The following KLKB1 variants were observed in gnomAD, a reference collection of about 807,000 sequenced individuals.
The protein encoded by KLKB1 is kallikrein B1.
In KLKB1, 58 loss-of-function variants were observed where a neutral mutation model predicts 73.6. The observed-to-expected ratio is 0.79, with a 90% confidence interval of 0.64 to 0.98. KLKB1 has a LOEUF of 0.98. Among genes scored for constraint, KLKB1 ranks in the 50% least tolerant of loss-of-function variants. The pLI is 0.00. For synonymous variants in KLKB1, 280 were observed against 258.1 expected, an observed-to-expected ratio of 1.08 and a Z score of -0.81; for missense variants, 737 against 763.8, an observed-to-expected ratio of 0.96 and a Z score of 0.41.
chr4:186,254,573 A>C lies in KLKB1; in HGVS notation c.1314-15A>C, dbSNP rs1561467002. 1 of 1,611,188 alleles carries C rather than the reference A, an allele frequency of 6.2e-7. No homozygotes were observed. Among genetic ancestry groups the C allele is most frequent in the Non-Finnish European group, 8.5e-7 (1 of 1,177,406 alleles). Reference sequence around the variant, plus strand: ...ACTGCCCAGTTTCAAACAGGTATTTATTTTTCTCTCCTAGGCTTCCCCTGC... The same window carrying C: ...ACTGCCCAGTTTCAAACAGGTATTTCTTTTTCTCTCCTAGGCTTCCCCTGC... On this transcript the variant is annotated splice_polypyrimidine_tract_variant and intron_variant, in intron 11 of 14. Transcript: ENST00000264690.
At position 186,257,313 on chromosome 4, in the gene KLKB1, C is replaced by T; in HGVS notation, c.1673C>T (p.Thr558Ile). The T allele has an allele frequency of 6.2e-7, 1 of 1,604,494 alleles. No homozygotes were observed. The highest frequency in any genetic ancestry group is 2.2e-5 in the East Asian group (1 of 44,476). The change falls in exon 14 of 15, where the codon ACC becomes ATC. Residue 558 changes from threonine to isoleucine, a missense_variant. Coordinates refer to ENST00000264690, the MANE Select transcript of KLKB1 (RefSeq NM_000892.5). ...CQKRYQDYKI[T>I]QRMVCAGYKE... ...AAAAGATATCAAGATTATAAAATAA[C>T]CCAACGGATGGTCTGTGCTGGCTAT...
intron 2 of KLKB1, among the ~76,000 whole-genome samples, chr4:186,214,357 T>C (rs1736828186): frequency 6.6e-6 from 1 of 152,200 alleles, no homozygotes; most frequent in South Asian, 2.1e-4. Flanking sequence ...AAAAGGACTG[T>C]CTTTCATTTA....
At chr4:186,248,569 T>C (rs1162291284) in intron 6 of KLKB1, among the ~76,000 whole-genome samples, 2 of 148,662 alleles carry the variant, frequency 1.3e-5, no homozygotes, top group African/African-American at 5.0e-5. Context: ...TATACTTAGT[T>C]TGATGAACAT....
intron 14 of KLKB1, among the ~76,000 whole-genome samples, chr4:186,257,744 A>T (rs1229677218): frequency 2.7e-5 from 4 of 147,102 alleles, no homozygotes; most frequent in South Asian, 2.2e-4. Context: ...AGAAAGAGTG[A>T]GTGTGTGTGT....
chr4:186,257,744 A>AGAGT (rs1446190966), intron 14 of KLKB1, among the ~76,000 whole-genome samples: 5 of 147,102 alleles, frequency 3.4e-5, no homozygotes, highest in Admixed American at 2.0e-4. Flanking sequence ...AGAAAGAGTG[A>AGAGT]GTGTGTGTGT....
intron 6 of KLKB1, among the ~76,000 whole-genome samples, chr4:186,243,006 C>T (rs985998702): frequency 2.0e-5 from 3 of 151,278 alleles, no homozygotes; most frequent in African/African-American, 7.3e-5. Context: ...CCACGGTGGC[C>T]TTCTCAGACC....
chr4:186,239,667 C>T (rs372136426), intron 6 of KLKB1, among the ~76,000 whole-genome samples: 6 of 110,656 alleles, frequency 5.4e-5, no homozygotes, highest in African/African-American at 7.0e-5. Flanking sequence ...GACAGTGATA[C>T]TGTTATAGTT....
chr4:186,227,745 A>G (rs538467436), intron 1 of KLKB1, among the ~76,000 whole-genome samples, 158 bp downstream of exon 1: 17 of 152,346 alleles, frequency 1.1e-4, no homozygotes, highest in Admixed American at 2.6e-4. Flanking sequence ...TAAATGTAAG[A>G]TGATTTTAAA....
At chr4:186,243,715 G>C (rs1738178105) in intron 6 of KLKB1, among the ~76,000 whole-genome samples, 1 of 152,214 alleles carries the variant, frequency 6.6e-6, no homozygotes, top group Non-Finnish European at 1.5e-5. Flanking sequence ...GGCATATTTA[G>C]AGTCAGTATA....
At chr4:186,225,058 CCAT>C (rs1267854622), upstream of KLKB1, among the ~76,000 whole-genome samples, 4 of 152,164 alleles carry the variant, frequency 2.6e-5, no homozygotes, top group Non-Finnish European at 5.9e-5. Context: ...CCTCTGCCTT[CCAT>C]CGTGATTATA....
chr4:186,232,191 C>T lies in KLKB1; in HGVS notation c.123C>T (p.Thr41=), dbSNP rs1737431734. The stretch of plus-strand genomic sequence containing the variant: ...GTGGGGATGTAGCTTCCATGTACAC[C>T]CCAAATGCCCAATACTGCCAGATGA... ...FRGGDVASMY[T]PNAQYCQMRC... is the part of the protein sequence containing the mutation. Residue 41 remains threonine, a synonymous_variant, in exon 3 of 15, where the codon ACC becomes ACT. Transcript: ENST00000264690. The T allele has an allele frequency of 6.2e-7, 1 of 1,613,736 alleles. No homozygotes were observed. Among genetic ancestry groups the T allele is most frequent in the Non-Finnish European group, 8.5e-7 (1 of 1,179,824 alleles).
Position 186,252,020 on chromosome 4 carries a change from G to T in KLKB1, c.1148G>T (p.Cys383Phe), listed in dbSNP as rs1266675512. ...AGCGTCAACGCTCTCTTTTCAGTCT[G>T]CACAACAAAAACAAGCACACGCATT... ...RLCNTGDNSV[C>F]TTKTSTRIVG... is the part of the protein sequence containing the mutation. The change falls in exon 11 of 15, where the codon TGC (cysteine) becomes TTC (phenylalanine). Residue 383 changes from cysteine to phenylalanine, a missense_variant. By Grantham distance (205) the Cys-to-Phe change is radical. Transcript: ENST00000264690. 6.2e-7 allele frequency: 1 copy of T among 1,614,182 alleles called. No homozygotes were observed. Among genetic ancestry groups the T allele is most frequent in the African/African-American group, 1.3e-5 (1 of 75,050 alleles).
At chr4:186,228,296 G>A (rs1737241414) in intron 2 of KLKB1, 43 bp downstream of exon 2, 1 of 1,344,610 alleles carries the variant, frequency 7.4e-7, no homozygotes, top group Non-Finnish European at 1.1e-6. Flanking sequence ...GGCTAAGACA[G>A]GAGTAGCCAA....
chr4:186,238,222 A>T lies in KLKB1; in HGVS notation c.489-34A>T, dbSNP rs145167773. On this transcript the variant is annotated intron_variant, in intron 5 of 14. Transcript: ENST00000264690. The stretch of plus-strand genomic sequence containing the variant: ...CACTGCTCCCTGCCCCTCAAAGTGC[A>T]GAAAGCAAAGTAACCTCTTTTCTTC... 1,010 of 1,424,938 alleles carry T rather than the reference A, an allele frequency of 7.1e-4. 9 individuals carry two copies. In the African/African-American group the frequency reaches 0.013, roughly 18 times the overall value. The allele number at this position is 1,424,938 out of a possible 1,614,324, so 88.3% of individuals were successfully genotyped here.
chr4:186,215,529 T>C (rs1579982831), intron 2 of KLKB1, among the ~76,000 whole-genome samples: 1 of 152,224 alleles, frequency 6.6e-6, no homozygotes, highest in South Asian at 2.1e-4. Flanking sequence ...TTTTAAGTTT[T>C]ATGCTTATGG....
chr4:186,219,154 T>G (rs932953236), intron 2 of KLKB1, among the ~76,000 whole-genome samples: 1 of 152,124 alleles, frequency 6.6e-6, no homozygotes, highest in African/African-American at 2.4e-5. Context: ...CCACCCAGAT[T>G]GAGGGTGGGT....
Position 186,252,056 on chromosome 4 carries a change from C to T in KLKB1, c.1184C>T (p.Thr395Ile). The change falls in exon 11 of 15, where the codon ACA (threonine) becomes ATA (isoleucine). Residue 395 changes from threonine (T) to isoleucine (I), a missense_variant. Thr to Ile is a moderately conservative substitution (Grantham distance 89, BLOSUM62 -1). Transcript: ENST00000264690. ...ACAAGCACACGCATTGTTGGAGGAACAAACTCTTCTTGGGGAGAGTGGCCC... is the reference window on the plus strand; with the variant it reads ...ACAAGCACACGCATTGTTGGAGGAATAAACTCTTCTTGGGGAGAGTGGCCC... ...TKTSTRIVGGTNSSWGEWPWQ... is the reference protein window; with the variant it reads ...TKTSTRIVGGINSSWGEWPWQ... The T allele has an allele frequency of 1.2e-6, 2 of 1,614,160 alleles. No individual in the cohort carries two copies. Among genetic ancestry groups the T allele is most frequent in the Non-Finnish European group, 1.7e-6 (2 of 1,180,030 alleles).
intron 2 of KLKB1, among the ~76,000 whole-genome samples, chr4:186,217,725 G>A (rs528681433): frequency 6.6e-6 from 1 of 152,124 alleles, no homozygotes; most frequent in Non-Finnish European, 1.5e-5. Flanking sequence ...AGGACTGAAG[G>A]ATAGAAGTTT....
At position 186,258,175 on chromosome 4, in the gene KLKB1, G is replaced by A; in HGVS notation, c.1880G>A (p.Ser627Asn). ...YMDWILEKTQSSDGKAQMQSP... is the reference protein window; with the variant it reads ...YMDWILEKTQNSDGKAQMQSP... Reference sequence around the variant, plus strand: ...GACTGGATTTTAGAGAAAACACAGAGCAGTGATGGAAAAGCTCAGATGCAG... The same window carrying A: ...GACTGGATTTTAGAGAAAACACAGAACAGTGATGGAAAAGCTCAGATGCAG... Residue 627 changes from serine (S) to asparagine (N), a missense_variant, in exon 15 of 15, where the codon AGC becomes AAC. Coordinates refer to ENST00000264690, the MANE Select transcript of KLKB1 (RefSeq NM_000892.5). 2 of 1,614,160 alleles carry A rather than the reference G, an allele frequency of 1.2e-6. No individual in the cohort carries two copies. Among genetic ancestry groups the A allele is most frequent in the Non-Finnish European group, 1.7e-6 (2 of 1,180,036 alleles).
Sources: gnomAD v4.1 joint callset for allele counts (sites outside exome capture counted in the v4.1 genomes callset) on GRCh38, gnomAD v4.1.1 for gene constraint, MANE v1.5 for transcripts, NCBI Gene and HGNC (gene_info 2026-07-23, HGNC 2026-07-21) for gene names.